The following PRKD1 variants were observed in gnomAD, a reference collection of about 807,000 sequenced individuals.
The protein encoded by PRKD1 is protein kinase D1, also known as serine/threonine-protein kinase D1.
PRKD1 carries 63 observed loss-of-function variants against 95.9 expected under a neutral mutation model. That is an observed-to-expected ratio of 0.66 (90% CI 0.54 to 0.81). PRKD1 has a LOEUF of 0.81. Ranked by LOEUF, PRKD1 falls within the 30% of genes least tolerant of loss-of-function variation. The pLI is 0.00. For missense variants in PRKD1, 1,048 were observed against 1,165.3 expected (o/e 0.90, Z 1.47); for synonymous variants, 425 against 423.1 (o/e 1.00, Z -0.05).
chr14:29,709,372 G>A (rs80182668), intron 2 of PRKD1, among the ~76,000 whole-genome samples: 10,985 of 152,076 alleles, frequency 0.072, 538 homozygotes, highest in Middle Eastern at 0.11. Flanking sequence ...AAATAAATCC[G>A]AGGAGATGAT....
chr14:29,646,648 TG>T (rs1276829290), intron 4 of PRKD1, among the ~76,000 whole-genome samples: 1 of 152,000 alleles, frequency 6.6e-6, no homozygotes, highest in African/African-American at 2.4e-5. Flanking sequence ...CGAAACTGTC[TG>T]TCTCACTTAG....
At chr14:29,826,748 T>C (rs371968190) in intron 1 of PRKD1, among the ~76,000 whole-genome samples, 9,433 of 29,120 alleles carry the variant, frequency 0.32, 2,688 homozygotes, top group Non-Finnish European at 0.39. Context: ...TATATACACA[T>C]ATATATATAC....
chr14:29,649,370 T>G (rs1438598625), intron 4 of PRKD1, among the ~76,000 whole-genome samples: 1 of 152,152 alleles, frequency 6.6e-6, no homozygotes, highest in East Asian at 1.9e-4. Context: ...GCTTTCCTTT[T>G]GTCTCTGTGT....
chr14:29,724,520 T>G (rs1362327502), intron 2 of PRKD1, among the ~76,000 whole-genome samples: 1 of 152,172 alleles, frequency 6.6e-6, no homozygotes, highest in African/African-American at 2.4e-5. Context: ...ACAATGAAGT[T>G]GTGGCAATCC....
chr14:29,785,339 G>A (rs950072818), intron 1 of PRKD1, among the ~76,000 whole-genome samples: 1 of 152,034 alleles, frequency 6.6e-6, no homozygotes. Flanking sequence ...TTGTAAATGC[G>A]TTTGCTTTCC....
chr14:29,610,914 C>T (rs1878415690), intron 13 of PRKD1, among the ~76,000 whole-genome samples: 1 of 152,168 alleles, frequency 6.6e-6, no homozygotes, highest in Admixed American at 6.5e-5. Context: ...AGGCCACATA[C>T]TATGTGATTC....
At chr14:29,714,579 ATCAT>A (rs1311619147) in intron 2 of PRKD1, among the ~76,000 whole-genome samples, 1 of 152,204 alleles carries the variant, frequency 6.6e-6, no homozygotes, top group Non-Finnish European at 1.5e-5. Flanking sequence ...AACTAGAAAT[ATCAT>A]TTGAACCAGC....
At chr14:29,908,217 AAAC>A (rs1262100582) in intron 1 of PRKD1, among the ~76,000 whole-genome samples, 1 of 152,246 alleles carries the variant, frequency 6.6e-6, no homozygotes. Context: ...TCTGAAATAA[AAAC>A]AACAATTTAA....
In PRKD1 at chr14:29,631,803, T is replaced by TATTTATTG. The variant is rs767201785; in HGVS notation, c.1393-783_1393-782insCAATAAAT. On this transcript the variant is annotated intron_variant, in intron 9 of 17. Transcript: ENST00000331968. ...GAGCCACTGCGCCTGGCCTTTTATT[T>TATTTATTG]ATTTATTTTTATTTTTGAGACAGAG... is the stretch of plus-strand genomic sequence containing the variant. Among the ~76,000 whole-genome samples, 438 of 142,356 alleles carry TATTTATTG rather than the reference T, an allele frequency of 3.1e-3. 2 individuals are homozygous for TATTTATTG. Among genetic ancestry groups the TATTTATTG allele is most frequent in the Middle Eastern group, 4.8e-3 (1 of 208 alleles). 93.4% of individuals were successfully genotyped at this position (142,356 alleles called of 152,430 possible).
At chr14:29,705,743 G>T (rs1885054703) in intron 2 of PRKD1, among the ~76,000 whole-genome samples, 3 of 151,892 alleles carry the variant, frequency 2.0e-5, no homozygotes, top group South Asian at 2.1e-4. Context: ...AAACTGACTG[G>T]CTTCTTCATT....
chr14:29,663,938 T>A, intron 3 of PRKD1, 79 bp from the exon 4 acceptor site: 1 of 1,392,636 alleles, frequency 7.2e-7, no homozygotes. Context: ...AAGTAGAAAT[T>A]TAAAAAATAG....
chr14:29,892,158 T>A (rs1480511164), intron 1 of PRKD1, among the ~76,000 whole-genome samples: 1 of 152,192 alleles, frequency 6.6e-6, no homozygotes, highest in Non-Finnish European at 1.5e-5. Flanking sequence ...AAACAGTTCT[T>A]CAACATATTA....
intron 1 of PRKD1, among the ~76,000 whole-genome samples, chr14:29,748,507 C>T (rs1887333541): frequency 6.6e-6 from 1 of 152,164 alleles, no homozygotes; most frequent in South Asian, 2.1e-4. Flanking sequence ...AGAGAGCTAT[C>T]AACTGACCAA....
chr14:29,725,360 A>T (rs1011886259), intron 2 of PRKD1, among the ~76,000 whole-genome samples, 176 bp downstream of exon 2: 1 of 152,228 alleles, frequency 6.6e-6, no homozygotes, highest in African/African-American at 2.4e-5. Context: ...GTGTGGACAC[A>T]GCCAATTAAA....
chr14:29,791,490 A>T (rs917365718), intron 1 of PRKD1, among the ~76,000 whole-genome samples: 1 of 152,078 alleles, frequency 6.6e-6, no homozygotes, highest in African/African-American at 2.4e-5. Flanking sequence ...GCTGTTTCCT[A>T]CCCGTCAATT....
At position 29,807,180 on chromosome 14, in the gene PRKD1, A is replaced by G. The variant is rs8012163; in HGVS notation, c.265-81506T>C. On this transcript the variant is annotated intron_variant, in intron 1 of 17. Transcript: ENST00000331968. ...GAGAATCTGATGCCGCTGATCTGAC[A>G]GAAGGCAAGAAAGCAGAGCTCAGAC... 6.0e-3 allele frequency among the ~76,000 whole-genome samples: 909 copies of G among 152,318 alleles called. 5 individuals carry two copies. The highest frequency in any genetic ancestry group is 0.021 in the African/African-American group (877 of 41,564).
intron 1 of PRKD1, among the ~76,000 whole-genome samples, chr14:29,835,355 A>G (rs950207077): frequency 1.3e-5 from 2 of 152,138 alleles, no homozygotes; most frequent in South Asian, 2.1e-4. Context: ...TTGCTTTCTC[A>G]TGGGGTAAAA....
chr14:29,698,274 G>A (rs1884639693), intron 2 of PRKD1, among the ~76,000 whole-genome samples: 1 of 152,092 alleles, frequency 6.6e-6, no homozygotes, highest in Non-Finnish European at 1.5e-5. Flanking sequence ...AGCAAACTAT[G>A]GATGGTTCTT....
chr14:29,627,650 A>T (rs1879712944), intron 11 of PRKD1, among the ~76,000 whole-genome samples: 1 of 152,166 alleles, frequency 6.6e-6, no homozygotes, highest in African/African-American at 2.4e-5. Flanking sequence ...TTATTTTTTT[A>T]AACTCCTTCT....
Sources: allele counts gnomAD v4.1 joint callset (sites outside exome capture counted in the v4.1 genomes callset), GRCh38; gene constraint gnomAD v4.1.1; transcripts MANE v1.5; gene names NCBI Gene and HGNC (gene_info 2026-07-23, HGNC 2026-07-21).